ZBTB20: variants seen among roughly 807,000 people sequenced by gnomAD.
The protein encoded by ZBTB20 is zinc finger and BTB domain containing 20.
ZBTB20 carries 9 observed loss-of-function variants against 56.9 expected under a neutral mutation model. The observed-to-expected ratio is 0.16, with a 90% CI of 0.10 to 0.28. ZBTB20 has a LOEUF of 0.28. Ranked by LOEUF, ZBTB20 falls within the 10% of genes least tolerant of loss-of-function variation. ZBTB20 has a pLI of 1.00. For synonymous variants in ZBTB20, 417 were observed against 420.7 expected, an observed-to-expected ratio of 0.99 and a Z score of 0.11; for missense variants, 655 against 1,003.0, an observed-to-expected ratio of 0.65 and a Z score of 4.69.
chr3:114,737,885 T>C (rs1474874623), intron 5 of ZBTB20, among the ~76,000 whole-genome samples: 3 of 152,176 alleles, frequency 2.0e-5, no homozygotes, highest in African/African-American at 7.2e-5. Context: ...CAAATCTCTA[T>C]GTAGGAAAAA....
chr3:114,340,828 G>A (rs1269976140), intron 11 of ZBTB20, among the ~76,000 whole-genome samples: 1 of 152,150 alleles, frequency 6.6e-6, no homozygotes, highest in Admixed American at 6.5e-5. Context: ...AAGGTAAGAA[G>A]TCTTTTAAAA....
At chr3:115,001,000 T>A (rs2079223266) in intron 2 of ZBTB20, among the ~76,000 whole-genome samples, 1 of 150,978 alleles carries the variant, frequency 6.6e-6, no homozygotes, top group Admixed American at 6.6e-5. Context: ...AAATCTTTCA[T>A]CTGATATGTA....
intron 2 of ZBTB20, among the ~76,000 whole-genome samples, chr3:115,063,482 G>T (rs990994280): frequency 1.3e-5 from 2 of 152,126 alleles, no homozygotes; most frequent in Non-Finnish European, 2.9e-5. Context: ...CCCATCTTGA[G>T]GGCCCCACCT....
At chr3:114,610,217 T>C (rs777864673) in intron 6 of ZBTB20, among the ~76,000 whole-genome samples, 2 of 152,164 alleles carry the variant, frequency 1.3e-5, no homozygotes, top group African/African-American at 2.4e-5. Context: ...GGCAAGTACA[T>C]ATTTATGTGT....
At chr3:114,735,687 C>T (rs1217381153) in intron 5 of ZBTB20, among the ~76,000 whole-genome samples, 3 of 151,954 alleles carry the variant, frequency 2.0e-5, no homozygotes, top group Non-Finnish European at 4.4e-5. Context: ...CAATGGAAAC[C>T]TCTTTAATTA....
At chr3:114,931,389 CAA>C (rs2076356070) in intron 3 of ZBTB20, 1 of 243,196 alleles carries the variant, frequency 4.1e-6, no homozygotes, top group Admixed American at 4.6e-5. Flanking sequence ...CACAACATGG[CAA>C]AGAGACAACA....
At chr3:114,662,905 C>T (rs934867531) in intron 6 of ZBTB20, among the ~76,000 whole-genome samples, 8 of 151,910 alleles carry the variant, frequency 5.3e-5, no homozygotes, top group Admixed American at 2.0e-4. Context: ...GTTTAATCTA[C>T]GTCTGATTGG....
intron 5 of ZBTB20, among the ~76,000 whole-genome samples, chr3:114,723,551 G>A (rs1324059075): frequency 5.3e-5 from 8 of 152,138 alleles, no homozygotes; most frequent in Non-Finnish European, 1.5e-5. Flanking sequence ...GGTGTCCATA[G>A]AAGGACCTGT....
In ZBTB20 at chr3:114,351,815, T is replaced by A; in HGVS notation, c.263A>T (p.Asn88Ile). ...CTCGTTGAGGGTCTCGAGCACGGAA[T>A]TGCTGAAGTTGTGAAGGTTGATGCT... is the stretch of plus-strand genomic sequence containing the variant. ...IHSINLHNFS[N>I]SVLETLNEQR... is the part of the protein sequence containing the mutation. The change falls in exon 11 of 12, where the codon AAT becomes ATT. Residue 88 changes from asparagine to isoleucine, a missense_variant. Physicochemically the swap from Asn to Ile is moderately radical, Grantham distance 149 (BLOSUM62 -3). Transcript: ENST00000675478. 6.2e-7 allele frequency: 1 copy of A among 1,605,948 alleles called. No individual in the cohort carries two copies. Among genetic ancestry groups the A allele is most frequent in the East Asian group, 2.2e-5 (1 of 44,628 alleles).
chr3:114,914,294 T>C (rs2075658380), intron 3 of ZBTB20, among the ~76,000 whole-genome samples: 1 of 151,946 alleles, frequency 6.6e-6, no homozygotes, highest in Non-Finnish European at 1.5e-5. Context: ...GATCTTTCTC[T>C]TCTTCAGTTA....
At chr3:114,723,874 C>CTT (rs372229997) in intron 5 of ZBTB20, among the ~76,000 whole-genome samples, 3 of 149,388 alleles carry the variant, frequency 2.0e-5, no homozygotes, top group Non-Finnish European at 4.5e-5. Context: ...TCCTTCTTTT[C>CTT]TTTTTTTTTT....
At chr3:114,995,187 C>T (rs1039196277) in intron 2 of ZBTB20, among the ~76,000 whole-genome samples, 4 of 151,824 alleles carry the variant, frequency 2.6e-5, no homozygotes, top group African/African-American at 9.7e-5. Context: ...ACTGTAAACA[C>T]AAGGGAACTT....
intron 7 of ZBTB20, among the ~76,000 whole-genome samples, chr3:114,458,649 C>T (rs564804965): frequency 6.6e-6 from 1 of 151,722 alleles, no homozygotes; most frequent in African/African-American, 2.4e-5. Context: ...GAGACTAAGT[C>T]CTGAGTGGTA....
At chr3:114,477,165 T>G (rs978801926) in intron 7 of ZBTB20, among the ~76,000 whole-genome samples, 2 of 152,190 alleles carry the variant, frequency 1.3e-5, no homozygotes, top group African/African-American at 4.8e-5. Context: ...ATACCTGAAA[T>G]AACATGCTTA....
intron 4 of ZBTB20, among the ~76,000 whole-genome samples, chr3:114,877,952 T>C (rs2076257967): frequency 6.6e-6 from 1 of 152,166 alleles, no homozygotes; most frequent in Non-Finnish European, 1.5e-5. Flanking sequence ...CCAACCAGCT[T>C]GGTGACTGTG....
chr3:114,855,686 CTCATCT>C (rs1422422677), intron 4 of ZBTB20, among the ~76,000 whole-genome samples: 1 of 152,116 alleles, frequency 6.6e-6, no homozygotes, highest in Non-Finnish European at 1.5e-5. Flanking sequence ...ACTACCTCTC[CTCATCT>C]GAGGCTTCCT....
rs2079058545 is a variant in ZBTB20 at position 114,326,211 on chromosome 3, C to T, written c.*12794G>A. ...GCAGTAGATATTAATTAGAAATACC[C>T]AAAGAATTTAATTAAACTAATTTAT... On this transcript the variant is annotated 3_prime_UTR_variant, in exon 12 of 12. Transcript: ENST00000675478. The T allele has an allele frequency of 6.6e-6, 1 of 152,066 alleles. No individual in the cohort carries two copies. Among genetic ancestry groups the T allele is most frequent in the African/African-American group, 2.4e-5 (1 of 41,388 alleles). The allele number at this position is 152,066 out of a possible 1,614,324, so 9.4% of individuals were successfully genotyped here. A position where few individuals can be genotyped will look rare whatever the true frequency, so the allele number is the denominator to read the frequency against.
At position 114,433,776 on chromosome 3, in the gene ZBTB20, A is replaced by G. The variant is rs1559783743; in HGVS notation, c.-254-44671T>C. On this transcript the variant is annotated intron_variant, in intron 7 of 11. Transcript: ENST00000675478. ...TCAGTGCCACAGGAGACATACAAAT[A>G]AGTGCTTTAGCAGTTCGGAAGAAGC... Among the ~76,000 whole-genome samples, 4 of 152,186 alleles carry G rather than the reference A, an allele frequency of 2.6e-5. No homozygotes were observed. In the South Asian group the frequency reaches 8.3e-4, roughly 32 times the overall value.
intron 5 of ZBTB20, among the ~76,000 whole-genome samples, chr3:114,776,077 G>C (rs1490035249): frequency 7.2e-6 from 1 of 138,118 alleles, no homozygotes; most frequent in Non-Finnish European, 1.5e-5. Context: ...GGACAGGAAA[G>C]TTAAGCCTTT....
Sources: allele counts gnomAD v4.1 joint callset (sites outside exome capture counted in the v4.1 genomes callset), GRCh38; gene constraint gnomAD v4.1.1; transcripts MANE v1.5; gene names NCBI Gene and HGNC (gene_info 2026-07-23, HGNC 2026-07-21).